KIF6: variants seen among roughly 807,000 people sequenced by gnomAD.
KIF6 encodes kinesin-like protein KIF6.
KIF6 carries 106 observed loss-of-function variants against 112.7 expected under a neutral mutation model. That is an observed-to-expected ratio of 0.94 (90% CI 0.80 to 1.11). The LOEUF is 1.11. Ranked by LOEUF, KIF6 falls within the 50% of genes least tolerant of loss-of-function variation. KIF6 has a pLI of 0.00. For missense variants in KIF6, 929 were observed against 964.0 expected, an observed-to-expected ratio of 0.96 and a Z score of 0.48; for synonymous variants, 339 against 339.9, an observed-to-expected ratio of 1.00 and a Z score of 0.03.
At chr6:39,545,503 G>T (rs1582100823) in intron 11 of KIF6, 80 bp downstream of exon 11, 1 of 901,846 alleles carries the variant, frequency 1.1e-6, no homozygotes, top group Non-Finnish European at 1.8e-6. Context: ...AACCTTCCAA[G>T]AACTGGTCAA....
intron 3 of KIF6, among the ~76,000 whole-genome samples, chr6:39,688,569 G>A (rs1380186171): frequency 2.0e-5 from 3 of 151,992 alleles, no homozygotes; most frequent in Admixed American, 6.6e-5. Context: ...TTGTGGCCCA[G>A]GAGAAAAGAA....
intron 14 of KIF6, among the ~76,000 whole-genome samples, chr6:39,422,049 A>T (rs1770412843): frequency 1.3e-5 from 2 of 151,864 alleles, no homozygotes; most frequent in South Asian, 2.1e-4. Context: ...TCAACGAGTG[A>T]CTCCTCCCAT....
intron 13 of KIF6, among the ~76,000 whole-genome samples, chr6:39,457,169 T>A (rs960917885): frequency 2.0e-5 from 3 of 151,664 alleles, no homozygotes; most frequent in South Asian, 4.2e-4. Flanking sequence ...TAACAAACTA[T>A]CTCTCAGACC....
intron 7 of KIF6, among the ~76,000 whole-genome samples, chr6:39,586,681 C>G (rs1385005424): frequency 6.6e-6 from 1 of 152,116 alleles, no homozygotes; most frequent in Non-Finnish European, 1.5e-5. Context: ...CACTATTATT[C>G]TGTTTTTAAC....
chr6:39,441,418 TG>T (rs1771915227), intron 13 of KIF6, among the ~76,000 whole-genome samples: 1 of 152,212 alleles, frequency 6.6e-6, no homozygotes, highest in Non-Finnish European at 1.5e-5. Flanking sequence ...GGAACTACTG[TG>T]CAGATGGTCT....
chr6:39,496,265 G>A (rs1775778136), intron 13 of KIF6, among the ~76,000 whole-genome samples: 1 of 152,152 alleles, frequency 6.6e-6, no homozygotes, highest in Non-Finnish European at 1.5e-5. Flanking sequence ...ATGACCACAG[G>A]ACGGATGGAT....
At chr6:39,494,772 A>G (rs530670112) in intron 13 of KIF6, among the ~76,000 whole-genome samples, 43 of 152,246 alleles carry the variant, frequency 2.8e-4, no homozygotes, top group Non-Finnish European at 5.1e-4. Context: ...GGTAAAATCC[A>G]TAAGAAATGT....
intron 3 of KIF6, among the ~76,000 whole-genome samples, chr6:39,641,515 G>T (rs1460944896): frequency 1.3e-5 from 2 of 151,868 alleles, no homozygotes; most frequent in South Asian, 2.1e-4. Flanking sequence ...ACGGGGGAGG[G>T]ATAGCATTAG....
At chr6:39,608,950 A>C (rs1783044158) in intron 6 of KIF6, among the ~76,000 whole-genome samples, 1 of 152,220 alleles carries the variant, frequency 6.6e-6, no homozygotes, top group Non-Finnish European at 1.5e-5. Context: ...AATAGTTGCC[A>C]GCTAAGAACT....
intron 7 of KIF6, among the ~76,000 whole-genome samples, chr6:39,589,826 C>A (rs1210755053): frequency 2.0e-5 from 3 of 152,180 alleles, no homozygotes. Flanking sequence ...GTGTAGCAGC[C>A]AAACCCAGTT....
intron 10 of KIF6, chr6:39,554,408 A>C: frequency 6.3e-6 from 1 of 159,992 alleles, no homozygotes; most frequent in Admixed American, 6.5e-5. Flanking sequence ...GGAGCTCACC[A>C]CCTGTGGCTG....
intron 15 of KIF6, among the ~76,000 whole-genome samples, chr6:39,409,143 G>T (rs1769298142): frequency 1.3e-5 from 2 of 152,092 alleles, no homozygotes; most frequent in Non-Finnish European, 2.9e-5. Flanking sequence ...GATGATGACG[G>T]GGACTCTACT....
chr6:39,573,616 A>G (rs1293556574), intron 10 of KIF6, among the ~76,000 whole-genome samples: 1 of 152,194 alleles, frequency 6.6e-6, no homozygotes, highest in African/African-American at 2.4e-5. Flanking sequence ...GTCAGAAATC[A>G]CTAATAAGAC....
At position 39,567,181 on chromosome 6, in the gene KIF6, A is replaced by T. The variant is rs144264770; in HGVS notation, c.1181+10875T>A. 1.1e-4 allele frequency among the ~76,000 whole-genome samples: 16 copies of T among 152,326 alleles called. No individual in the cohort carries two copies. The East Asian group carries it at 3.1e-3, about 29-fold the overall frequency. On this transcript the variant is annotated intron_variant, in intron 10 of 22. Transcript: ENST00000287152. ...TCAAGGAATCATAGTAACAGGTAACACTGATGGGGTGCTTGTGGGCCTGGC... is the reference window on the plus strand; with the variant it reads ...TCAAGGAATCATAGTAACAGGTAACTCTGATGGGGTGCTTGTGGGCCTGGC...
At chr6:39,375,301 A>G (rs1460040332) in intron 16 of KIF6, among the ~76,000 whole-genome samples, 1 of 152,204 alleles carries the variant, frequency 6.6e-6, no homozygotes, top group Non-Finnish European at 1.5e-5. Context: ...GTGTGAACAC[A>G]AGGAGTAATA....
intron 22 of KIF6, among the ~76,000 whole-genome samples, chr6:39,339,927 C>G (rs1763230122): frequency 6.6e-6 from 1 of 152,152 alleles, no homozygotes; most frequent in East Asian, 1.9e-4. Flanking sequence ...AATGAGCACT[C>G]CTGAAGTAAC....
chr6:39,675,099 G>A (rs1787054545), intron 3 of KIF6, among the ~76,000 whole-genome samples: 1 of 151,964 alleles, frequency 6.6e-6, no homozygotes, highest in Non-Finnish European at 1.5e-5. Context: ...TTGCAAAAAT[G>A]TAAGGAAAAT....
rs1438380029 is a variant in KIF6 at position 39,656,994 on chromosome 6, G to GCTGAGGTGGGTGGATCAC, written c.252-17255_252-17238dup. Among the ~76,000 whole-genome samples the GCTGAGGTGGGTGGATCAC allele has an allele frequency of 2.6e-5, 4 of 152,132 alleles. No homozygotes were observed. In the South Asian group the frequency reaches 8.3e-4, roughly 31 times the overall value. ...GCCTATAATCCCAACACTTTGGGAGGCTGAGGTGGGTGGATCACCTGAGGT... is the reference window on the plus strand; with the variant it reads ...GCCTATAATCCCAACACTTTGGGAGGCTGAGGTGGGTGGATCACCTGAGGTGGGTGGATCACCTGAGGT... On this transcript the variant is annotated intron_variant, in intron 3 of 22. Transcript: ENST00000287152.
intron 16 of KIF6, among the ~76,000 whole-genome samples, chr6:39,369,075 T>G (rs147845888): frequency 6.6e-6 from 1 of 152,190 alleles, no homozygotes; most frequent in East Asian, 1.9e-4. Flanking sequence ...CTCACCTTGT[T>G]TGAGAAGACA....
Sources: gnomAD v4.1 joint callset for allele counts (sites outside exome capture counted in the v4.1 genomes callset) on GRCh38, gnomAD v4.1.1 for gene constraint, MANE v1.5 for transcripts, NCBI Gene and HGNC (gene_info 2026-07-23, HGNC 2026-07-21) for gene names.